Variants in AFAP1 observed in about 807,000 individuals in gnomAD.
The protein encoded by AFAP1 is actin filament-associated protein 1.
A neutral mutation model predicts 93.9 loss-of-function variants in AFAP1; 75 were observed. The observed-to-expected ratio is 0.80, with a 90% CI of 0.66 to 0.97. AFAP1 has a LOEUF of 0.97. Ranked by LOEUF, AFAP1 falls within the 50% of genes least tolerant of loss-of-function variation. AFAP1 has a pLI of 0.00. For missense variants in AFAP1, 1,201 were observed against 1,050.8 expected, an observed-to-expected ratio of 1.14 and a Z score of -1.98; for synonymous variants, 517 against 430.7, an observed-to-expected ratio of 1.20 and a Z score of -2.48.
chr4:7,880,515 T>C (rs569067913), intron 1 of AFAP1, among the ~76,000 whole-genome samples: 197 of 152,270 alleles, frequency 1.3e-3, no homozygotes, highest in African/African-American at 4.4e-3. Flanking sequence ...CCTGACCTGA[T>C]GATCCACCCA....
At chr4:7,923,915 A>G (rs1328584748) in intron 1 of AFAP1, among the ~76,000 whole-genome samples, 2 of 152,234 alleles carry the variant, frequency 1.3e-5, no homozygotes, top group Non-Finnish European at 1.5e-5. Context: ...GGGGAGACAT[A>G]AACATTCAGT....
rs151193041 is a variant in AFAP1, at chr4:7,931,900, G to T, written c.-3+7756C>A. On this transcript the variant is annotated intron_variant, in intron 1 of 17. Transcript: ENST00000420658. ...TTTTGAGACGGAGTCTCACTTTGTC[G>T]CCCAGGCTGGAGTGCAGTGGCGCGA... 5.7e-3 allele frequency among the ~76,000 whole-genome samples: 861 copies of T among 151,836 alleles called. 5 individuals are homozygous for T. Among genetic ancestry groups the T allele is most frequent in the African/African-American group, 0.019 (791 of 41,366 alleles).
rs747673001 is a variant in AFAP1 at position 7,816,080 on chromosome 4, G to C, written c.842C>G (p.Pro281Arg). 5.0e-6 allele frequency: 8 copies of C among 1,612,428 alleles called. No individual in the cohort carries two copies. The Admixed American group carries it at 1.2e-4, about 24-fold the overall frequency. Residue 281 changes from proline (P) to arginine (R), a missense_variant, in exon 8 of 18, where the codon CCC becomes CGC. Physicochemically the swap from Pro to Arg is moderately radical, Grantham distance 103 (BLOSUM62 -2). Coordinates refer to ENST00000420658, the MANE Select transcript of AFAP1 (RefSeq NM_001134647.2). ...CACAACACCCTCCCCATCTGAGCTG[G>C]GTCTCTCTGAAGACAGTTTCTGTAA... ...ELEKKLSSER[P>R]SSDGEGVVEN...
chr4:7,803,786 T>A (rs1408738173), intron 9 of AFAP1, among the ~76,000 whole-genome samples: 2 of 152,266 alleles, frequency 1.3e-5, no homozygotes, highest in Non-Finnish European at 2.9e-5. Context: ...GTAAAAGGGA[T>A]GATTATATTG....
intron 1 of AFAP1, among the ~76,000 whole-genome samples, chr4:7,893,097 G>T (rs1718564999): frequency 6.6e-6 from 1 of 152,162 alleles, no homozygotes; most frequent in Admixed American, 6.5e-5. Context: ...TGCCGGGGGG[G>T]CAGAAACCAC....
intron 1 of AFAP1, among the ~76,000 whole-genome samples, chr4:7,909,866 T>A (rs1279427340): frequency 6.6e-6 from 1 of 152,158 alleles, no homozygotes; most frequent in Admixed American, 6.5e-5. Flanking sequence ...CAGCTAGGGT[T>A]GCAAACCACT....
intron 10 of AFAP1, among the ~76,000 whole-genome samples, chr4:7,796,344 A>G (rs560239624): frequency 6.6e-6 from 1 of 152,350 alleles, no homozygotes; most frequent in African/African-American, 2.4e-5. Context: ...TCTTTATTAC[A>G]GGGACATGGC....
rs537437420 is a variant in AFAP1 at position 7,879,963 on chromosome 4, C to T, written c.-2-7883G>A. Among the ~76,000 whole-genome samples, 50 of 152,082 alleles carry T rather than the reference C, an allele frequency of 3.3e-4. 1 individual carries two copies. Among genetic ancestry groups the T allele is most frequent in the Non-Finnish European group, 6.0e-4 (41 of 68,026 alleles). On this transcript the variant is annotated intron_variant, in intron 1 of 17. Coordinates refer to ENST00000420658, the MANE Select transcript of AFAP1 (RefSeq NM_001134647.2). The stretch of plus-strand genomic sequence containing the variant: ...TCCAGACATGCGCCCCGCCGCCCAG[C>T]CTTTCTGCTTTCTTTCACTCAAGTG...
At position 7,939,363 on chromosome 4, in the gene AFAP1, C is replaced by T. The variant is rs1422162933; in HGVS notation, c.-3+293G>A. ...CTCTGACGCACACGGGGACCAGCCA[C>T]GCCGCGGGGGCACCGGGCAGGAGCC... On this transcript the variant is annotated intron_variant, in intron 1 of 17. Transcript: ENST00000420658. This position sits in a 1 kb window ranked among gnomAD's most constrained non-coding sequence, Gnocchi z 5.6. The T allele has an allele frequency of 3.1e-6, 1 of 323,580 alleles. No individual in the cohort carries two copies. The highest frequency in any genetic ancestry group is 6.2e-6 in the Non-Finnish European group (1 of 161,782). 20.0% of individuals were successfully genotyped at this position (323,580 alleles called of 1,614,324 possible). A position where few individuals can be genotyped will look rare whatever the true frequency, so the allele number is the denominator to read the frequency against.
intron 11 of AFAP1, among the ~76,000 whole-genome samples, chr4:7,787,972 G>C (rs924711186): frequency 6.6e-6 from 1 of 152,164 alleles, no homozygotes; most frequent in African/African-American, 2.4e-5. Context: ...CCAGGAGGCG[G>C]CCCGTCCCGC....
intron 17 of AFAP1, 129 bp from the exon 18 acceptor site, chr4:7,763,920 T>C: frequency 1.2e-6 from 1 of 835,852 alleles, no homozygotes; most frequent in Non-Finnish European, 2.0e-6. Context: ...ACAGAATCAA[T>C]GACCAATGAC....
At chr4:7,799,064 T>G (rs1311755693) in intron 10 of AFAP1, 11 of 985,950 alleles carry the variant, frequency 1.1e-5, no homozygotes, top group Non-Finnish European at 1.3e-5. Flanking sequence ...ACATAAATGT[T>G]TACAAGGTAC....
chr4:7,778,103 T>A (rs1177064915), intron 14 of AFAP1: 2 of 153,338 alleles, frequency 1.3e-5, no homozygotes, highest in African/African-American at 4.8e-5. Context: ...GCACCCACTC[T>A]GGCTCTGTGA....
intron 1 of AFAP1, among the ~76,000 whole-genome samples, chr4:7,882,106 A>T (rs1227680056): frequency 6.6e-6 from 1 of 152,138 alleles, no homozygotes; most frequent in East Asian, 1.9e-4. Flanking sequence ...CTGTCCTCTA[A>T]AACTATGAAG....
In AFAP1 at chr4:7,875,000, G is replaced by C. The variant is rs550839277; in HGVS notation, c.-2-2920C>G. ...CTTTAAGGTCTTCAAAATATATTTTGAGACCAAAAAGTTTCAGATCTGAGA... is the reference window on the plus strand; with the variant it reads ...CTTTAAGGTCTTCAAAATATATTTTCAGACCAAAAAGTTTCAGATCTGAGA... On this transcript the variant is annotated intron_variant, in intron 1 of 17. Coordinates refer to ENST00000420658, the MANE Select transcript of AFAP1 (RefSeq NM_001134647.2). Among the ~76,000 whole-genome samples the C allele has an allele frequency of 7.2e-5, 11 of 152,096 alleles. No individual in the cohort carries two copies. The South Asian group carries it at 2.3e-3, about 32-fold the overall frequency.
rs369123633 is a variant in AFAP1, at chr4:7,809,597, G to A, written c.1054+17C>T. The stretch of plus-strand genomic sequence containing the variant: ...ACTTAGGTGCACGCTGCTCGTCTCC[G>A]GGAAGCGCAGTCTTACCGCAGGTGG... On this transcript the variant is annotated intron_variant, in intron 9 of 17. Coordinates refer to ENST00000420658, the MANE Select transcript of AFAP1 (RefSeq NM_001134647.2). 19 of 1,607,358 alleles carry A rather than the reference G, an allele frequency of 1.2e-5. No homozygotes were observed. The highest frequency in any genetic ancestry group is 3.4e-5 in the Admixed American group (2 of 58,800).
chr4:7,856,831 T>C (rs576031745), intron 3 of AFAP1, among the ~76,000 whole-genome samples: 2 of 152,294 alleles, frequency 1.3e-5, no homozygotes, highest in South Asian at 2.1e-4. Flanking sequence ...TCGCCCAGCA[T>C]CTGCAATCTG....
intron 13 of AFAP1, among the ~76,000 whole-genome samples, chr4:7,779,778 TC>T (rs1253676180): frequency 6.6e-6 from 1 of 152,080 alleles, no homozygotes; most frequent in Non-Finnish European, 1.5e-5. Context: ...CCTAAAAAGA[TC>T]AGATGACGTG....
At chr4:7,772,042 C>T (rs1715516249) in intron 16 of AFAP1, among the ~76,000 whole-genome samples, 1 of 152,176 alleles carries the variant, frequency 6.6e-6, no homozygotes, top group Non-Finnish European at 1.5e-5. Context: ...GTGGGTTCAA[C>T]CAGGCTCAGC....
Sources: allele counts gnomAD v4.1 joint callset (sites outside exome capture counted in the v4.1 genomes callset), GRCh38; gene constraint gnomAD v4.1.1; non-coding constraint Gnocchi (gnomAD v3.1); transcripts MANE v1.5; gene names NCBI Gene and HGNC (gene_info 2026-07-23, HGNC 2026-07-21).